CEACAM16: variants seen among roughly 807,000 people sequenced by gnomAD.
The protein encoded by CEACAM16 is cell adhesion molecule CEACAM16.
CEACAM16 carries 30 observed loss-of-function variants against 39.4 expected under a neutral mutation model. The ratio of observed to expected loss-of-function variants is 0.76; its 90% CI spans 0.57 to 1.03. The LOEUF (loss-of-function observed/expected upper bound fraction) is 1.03. Ranked by LOEUF, CEACAM16 falls within the 50% of genes least tolerant of loss-of-function variation. The probability of loss-of-function intolerance (pLI) is 0.00; values close to 1 mark genes in which losing one functional copy is unlikely to be tolerated. For missense variants in CEACAM16, 521 were observed against 585.3 expected (o/e 0.89, Z 1.13); for synonymous variants, 262 against 264.9 (o/e 0.99, Z 0.11).
Position 44,704,176 on chromosome 19 carries a change from C to A in CEACAM16, c.541C>A (p.Pro181Thr). 6.3e-7 allele frequency: 1 copy of A among 1,578,574 alleles called. No homozygotes were observed. Among genetic ancestry groups the A allele is most frequent in the Non-Finnish European group, 8.6e-7 (1 of 1,162,846 alleles). Residue 181 changes from proline to threonine, a missense_variant, in exon 4 of 7, where the codon CCT (proline) becomes ACT (threonine). Pro to Thr is a conservative substitution (Grantham distance 38). Transcript: ENST00000587331. ...CGTCGCTCTCCGCCTGGGCCTGTCC[C>A]CTGACGGCCGGGTGCTGGCCAGGCA... ...LPVALRLGLSPDGRVLARHGI... is the reference protein window; with the variant it reads ...LPVALRLGLSTDGRVLARHGI...
intron 5 of CEACAM16, 106 bp downstream of exon 5, chr19:44,705,974 T>TCA (rs1974441102): frequency 7.6e-7 from 1 of 1,315,056 alleles, no homozygotes; most frequent in Admixed American, 2.0e-5. Flanking sequence ...CATGGTAGAT[T>TCA]CACAGTTCAT....
chr19:44,700,290 C>A (rs918716802), intron 1 of CEACAM16, among the ~76,000 whole-genome samples: 6 of 152,172 alleles, frequency 3.9e-5, no homozygotes, highest in Non-Finnish European at 7.3e-5. Flanking sequence ...CAGGCGTTAG[C>A]CACCACACCC....
rs778471200 is a variant in CEACAM16, at chr19:44,703,429, G to C, written c.118G>C (p.Val40Leu). 69 of 1,613,742 alleles carry C rather than the reference G, an allele frequency of 4.3e-5. No homozygotes were observed. The highest frequency in any genetic ancestry group is 5.6e-5 in the Non-Finnish European group (66 of 1,179,902). Reference sequence around the variant, plus strand: ...GAGCGAAGGGGACAACGTCACGCTGGTCGTCCATGGGCTTTCGGGGGAACT... The same window carrying C: ...GAGCGAAGGGGACAACGTCACGCTGCTCGTCCATGGGCTTTCGGGGGAACT... Reference protein sequence around the residue: ...QPSEGDNVTLVVHGLSGELLA... With the variant: ...QPSEGDNVTLLVHGLSGELLA... The change falls in exon 3 of 7, where the codon GTC becomes CTC. Residue 40 changes from valine to leucine, a missense_variant. Coordinates refer to ENST00000587331, the MANE Select transcript of CEACAM16 (RefSeq NM_001039213.4).
rs1485709418 is a variant in CEACAM16 at position 44,701,496 on chromosome 19, G to C, written c.37+3G>C. The C allele has an allele frequency of 6.4e-7, 1 of 1,563,706 alleles. No individual in the cohort carries two copies. The highest frequency in any genetic ancestry group is 8.7e-7 in the Non-Finnish European group (1 of 1,153,540). On this transcript the variant is annotated splice_donor_region_variant and intron_variant, in intron 2 of 6. Coordinates refer to ENST00000587331, the MANE Select transcript of CEACAM16 (RefSeq NM_001039213.4). This position sits in a 1 kb window ranked among gnomAD's most constrained non-coding sequence, Gnocchi z 4.0. The stretch of plus-strand genomic sequence containing the variant: ...GTACAGCTGGCTGCTCCTCAGTGGT[G>C]AGCGAGAATGGCACCCCCCAGCACC...
rs972952736 is a variant in CEACAM16 at position 44,703,437 on chromosome 19, T to C, written c.126T>C (p.His42=). The C allele has an allele frequency of 4.3e-6, 7 of 1,613,712 alleles. No individual in the cohort carries two copies. In the Admixed American group the frequency reaches 1.2e-4, roughly 27 times the overall value. ...GGGACAACGTCACGCTGGTCGTCCA[T>C]GGGCTTTCGGGGGAACTGCTCGCCT... ...SEGDNVTLVV[H]GLSGELLAYS... Residue 42 remains histidine, a synonymous_variant, in exon 3 of 7, where the codon CAT becomes CAC. Transcript: ENST00000587331.
chr19:44,703,906 T>C, intron 3 of CEACAM16, 112 bp from the exon 4 acceptor site: 1 of 1,283,990 alleles, frequency 7.8e-7, no homozygotes, highest in Non-Finnish European at 1.1e-6. Flanking sequence ...TCCCTCCGGC[T>C]GAGGGTGTGG....
Position 44,703,354 on chromosome 19 carries a change from T to C in CEACAM16, c.43T>C (p.Phe15Leu), listed in dbSNP as rs114907619. ...GYSWLLLSAT[F>L]LNVGAEISIT... ...CTCTGACTCCTCTTCCTCAGCCACATTCCTGAATGTGGGGGCCGAGATCTC... is the reference window on the plus strand; with the variant it reads ...CTCTGACTCCTCTTCCTCAGCCACACTCCTGAATGTGGGGGCCGAGATCTC... Residue 15 changes from phenylalanine (F) to leucine (L), a missense_variant, in exon 3 of 7, where the codon TTC becomes CTC. Phe to Leu is a conservative substitution (Grantham distance 22). Coordinates refer to ENST00000587331, the MANE Select transcript of CEACAM16 (RefSeq NM_001039213.4). 821 of 1,608,808 alleles carry C rather than the reference T, an allele frequency of 5.1e-4. 3 individuals are homozygous for C. The African/African-American group carries it at 9.3e-3, about 18-fold the overall frequency.
intron 2 of CEACAM16, among the ~76,000 whole-genome samples, chr19:44,702,956 T>G (rs1050281409): frequency 6.6e-6 from 1 of 152,220 alleles, no homozygotes; most frequent in Non-Finnish European, 1.5e-5. Context: ...CCTCCCTCCC[T>G]CGGACTGAGT....
rs755171429 is a variant in CEACAM16 at position 44,704,111 on chromosome 19, C to T, written c.476C>T (p.Thr159Ile). ...CTTATGTGCAGCAGCCCCAGCCCCACCGCCGAGGTCCGCTGGTTCTTCAAC... is the reference window on the plus strand; with the variant it reads ...CTTATGTGCAGCAGCCCCAGCCCCATCGCCGAGGTCCGCTGGTTCTTCAAC... ...LRLMCSSPSP[T>I]AEVRWFFNGG... Residue 159 changes from threonine (T) to isoleucine (I), a missense_variant, in exon 4 of 7, where the codon ACC (threonine) becomes ATC (isoleucine). Transcript: ENST00000587331. The T allele has an allele frequency of 5.6e-6, 9 of 1,599,900 alleles. No individual in the cohort carries two copies. In the East Asian group the frequency reaches 2.1e-4, roughly 37 times the overall value.
rs772011108 is a variant in CEACAM16 at position 44,699,280 on chromosome 19, T to A, written c.-97+20T>A. 1 of 534,236 alleles carries A rather than the reference T, an allele frequency of 1.9e-6. No individual in the cohort carries two copies. Among genetic ancestry groups the A allele is most frequent in the East Asian group, 5.4e-5 (1 of 18,372 alleles). 33.1% of individuals were successfully genotyped at this position (534,236 alleles called of 1,614,324 possible). A position where few individuals can be genotyped will look rare whatever the true frequency, so the allele number is the denominator to read the frequency against. ...GTCGTGGTAAGTACTGTACTTCACA[T>A]GTGTATCTACTTAATCCTTTCAACA... On this transcript the variant is annotated intron_variant, in intron 1 of 6. Coordinates refer to ENST00000587331, the MANE Select transcript of CEACAM16 (RefSeq NM_001039213.4).
chr19:44,707,855 C>A lies in CEACAM16; in HGVS notation c.941-6C>A, dbSNP rs1178504604. 1 of 1,532,116 alleles carries A rather than the reference C, an allele frequency of 6.5e-7. No homozygotes were observed. The highest frequency in any genetic ancestry group is 1.9e-5 in the Admixed American group (1 of 53,724). 94.9% of individuals were successfully genotyped at this position (1,532,116 alleles called of 1,614,324 possible). ...AACTGACCCAGCCCGCTCGCTCTCT[C>A]CCCAGCTGCAGCAGTTGCCACGATG... On this transcript the variant is annotated splice_region_variant and splice_polypyrimidine_tract_variant and intron_variant, in intron 5 of 6. Coordinates refer to ENST00000587331, the MANE Select transcript of CEACAM16 (RefSeq NM_001039213.4).
Position 44,704,096 on chromosome 19 carries a change from G to GCAGCCC in CEACAM16, c.470_475dup (p.Ser157_Pro158dup). The GCAGCCC allele has an allele frequency of 6.2e-7, 1 of 1,605,686 alleles. No individual in the cohort carries two copies. The highest frequency in any genetic ancestry group is 1.3e-5 in the African/African-American group (1 of 74,796). On this transcript the variant is annotated inframe_insertion, in exon 4 of 7. Transcript: ENST00000587331. ...CGAGACACCCTGCGCCTTATGTGCAGCAGCCCCAGCCCCACCGCCGAGGTC... is the reference window on the plus strand; with the variant it reads ...CGAGACACCCTGCGCCTTATGTGCAGCAGCCCCAGCCCCAGCCCCACCGCCGAGGTC...
Position 44,705,645 on chromosome 19 carries a change from C to T in CEACAM16, c.717C>T (p.Thr239=), listed in dbSNP as rs1466451149. The change falls in exon 5 of 7, where the codon ACC becomes ACT. Residue 239 remains threonine (T), a synonymous_variant. Transcript: ENST00000587331. The part of the protein sequence containing the change: ...LQDSTTRTGC[T]IKVDFNTSLT... ...ATTCCACCACCCGCACAGGCTGCAC[C>T]ATCAAAGTTGACTTCAACACGTCCC... The T allele has an allele frequency of 2.5e-6, 4 of 1,613,352 alleles. No individual in the cohort carries two copies. The highest frequency in any genetic ancestry group is 3.4e-6 in the Non-Finnish European group (4 of 1,179,364).
chr19:44,701,345 C>A lies in CEACAM16; in HGVS notation c.-96-16C>A. ...CAGGTGATCTCCCCTGGCTCCAAAT[C>A]ACCAAACCCTCCCAGGTCCTGCGGC... is the stretch of plus-strand genomic sequence containing the variant. On this transcript the variant is annotated splice_polypyrimidine_tract_variant and intron_variant, in intron 1 of 6. Transcript: ENST00000587331. This position sits in a 1 kb window ranked among gnomAD's most constrained non-coding sequence, Gnocchi z 4.0. The A allele has an allele frequency of 8.3e-7, 1 of 1,200,946 alleles. No homozygotes were observed. Among genetic ancestry groups the A allele is most frequent in the Non-Finnish European group, 1.2e-6 (1 of 828,078 alleles). 74.4% of individuals were successfully genotyped at this position (1,200,946 alleles called of 1,614,324 possible).
intron 4 of CEACAM16, 73 bp downstream of exon 4, chr19:44,704,369 G>C (rs1974406992): frequency 1.4e-6 from 2 of 1,421,336 alleles, no homozygotes. Flanking sequence ...GGCCAGGAGA[G>C]GGGGCCTAAG....
chr19:44,701,224 G>A lies in CEACAM16; in HGVS notation c.-96-137G>A. On this transcript the variant is annotated intron_variant, in intron 1 of 6. Coordinates refer to ENST00000587331, the MANE Select transcript of CEACAM16 (RefSeq NM_001039213.4). This position sits in a 1 kb window ranked among gnomAD's most constrained non-coding sequence, Gnocchi z 4.0. ...GAGGGTTAGGCGGCTGCCCCAGGAG[G>A]CCTGCCCAGGTCACGGCCTCTGGCC... 3 of 616,134 alleles carry A rather than the reference G, an allele frequency of 4.9e-6. No homozygotes were observed. The highest frequency in any genetic ancestry group is 3.8e-5 in the South Asian group (2 of 52,730). The allele number at this position is 616,134 out of a possible 1,614,324, so 38.2% of individuals were successfully genotyped here.
chr19:44,707,925 A>G lies in CEACAM16; in HGVS notation c.1005A>G (p.Thr335=). Residue 335 remains threonine (T), a synonymous_variant, in exon 6 of 7, where the codon ACA becomes ACG. Coordinates refer to ENST00000587331, the MANE Select transcript of CEACAM16 (RefSeq NM_001039213.4). ...AGCCAACGGAGGGCCAGGACGTAAC[A>G]CTGACCGTGCAGGGCTACCCCAAGG... is the stretch of plus-strand genomic sequence containing the variant. ...PTKPTEGQDV[T]LTVQGYPKDL... 1 of 1,588,464 alleles carries G rather than the reference A, an allele frequency of 6.3e-7. No individual in the cohort carries two copies. The highest frequency in any genetic ancestry group is 1.7e-4 in the Middle Eastern group (1 of 5,856).
chr19:44,703,661 C>G lies in CEACAM16; in HGVS notation c.350C>G (p.Thr117Ser), dbSNP rs575436610. 86 of 1,578,212 alleles carry G rather than the reference C, an allele frequency of 5.4e-5. 1 individual carries two copies. In the South Asian group the frequency reaches 9.2e-4, roughly 17 times the overall value. The stretch of plus-strand genomic sequence containing the variant: ...CAGACCTTCAACAGGCAGTTGCAGA[C>G]CGAGGTGGGCTACGGACACGTGCAG... Reference protein sequence around the residue: ...ILQTFNRQLQTEVGYGHVQVH... With the variant: ...ILQTFNRQLQSEVGYGHVQVH... Residue 117 changes from threonine to serine, a missense_variant, in exon 3 of 7, where the codon ACC becomes AGC. Coordinates refer to ENST00000587331, the MANE Select transcript of CEACAM16 (RefSeq NM_001039213.4).
chr19:44,709,270 C>T (rs961830356), intron 6 of CEACAM16, among the ~76,000 whole-genome samples: 2 of 150,326 alleles, frequency 1.3e-5, no homozygotes, highest in African/African-American at 4.9e-5. Flanking sequence ...GGGTCCATGT[C>T]TCCTCCATCA....
Sources: allele counts gnomAD v4.1 joint callset (sites outside exome capture counted in the v4.1 genomes callset), GRCh38; gene constraint gnomAD v4.1.1; non-coding constraint Gnocchi (gnomAD v3.1); transcripts MANE v1.5; gene names NCBI Gene and HGNC (gene_info 2026-07-23, HGNC 2026-07-21).